GATD1: variants seen among roughly 807,000 people sequenced by gnomAD.
GATD1 encodes the protein glutamine amidotransferase-like class 1 domain-containing protein 1.
A neutral mutation model predicts 25.9 loss-of-function variants in GATD1; 23 were observed. The ratio of observed to expected loss-of-function variants is 0.89; its 90% CI spans 0.64 to 1.26. The LOEUF (loss-of-function observed/expected upper bound fraction) is 1.26. Among genes scored for constraint, GATD1 ranks in the 50% most tolerant of loss-of-function variants. The pLI, the probability that GATD1 is intolerant of heterozygous loss-of-function variation, is 0.00. For synonymous variants in GATD1, 177 were observed against 134.6 expected (o/e 1.31, Z -2.18); for missense variants, 347 against 312.5 (o/e 1.11, Z -0.83).
Position 770,977 on chromosome 11 carries a change from A to C in GATD1, c.656+16T>G, listed in dbSNP as rs1590083076. On this transcript the variant is annotated intron_variant, in intron 7 of 7. Transcript: ENST00000319863. ...GCTCTGATGTGGCAGGAATGTGCCC[A>C]CCCTGGTGCCCTCACCGGCTGCCAC... 6.2e-7 allele frequency: 1 copy of C among 1,613,184 alleles called. No individual in the cohort carries two copies.
Position 767,698 on chromosome 11 carries a change from G to C in GATD1, c.*3199C>G, listed in dbSNP as rs1388547207. ...ATGGTATTAGGTGGGGCATTTGGGA[G>C]GTCATCCGGTCACAGGGCAGGGGCA... On this transcript the variant is annotated 3_prime_UTR_variant, in exon 8 of 8. Coordinates refer to ENST00000319863, the MANE Select transcript of GATD1 (RefSeq NM_182612.4). The C allele has an allele frequency of 2.0e-6, 2 of 1,014,146 alleles. No individual in the cohort carries two copies. Among genetic ancestry groups the C allele is most frequent in the Non-Finnish European group, 2.5e-6 (2 of 813,910 alleles). 62.8% of individuals were successfully genotyped at this position (1,014,146 alleles called of 1,614,324 possible). A position where few individuals can be genotyped will look rare whatever the true frequency, so the allele number is the denominator to read the frequency against.
In GATD1 at chr11:767,674, T is replaced by C. The variant is rs1363740613; in HGVS notation, c.*3223A>G. On this transcript the variant is annotated 3_prime_UTR_variant, in exon 8 of 8. Coordinates refer to ENST00000319863, the MANE Select transcript of GATD1 (RefSeq NM_182612.4). ...GCTTAAGTCCTCACCTGCAAGGGGATGGTATTAGGTGGGGCATTTGGGAGG... is the reference window on the plus strand; with the variant it reads ...GCTTAAGTCCTCACCTGCAAGGGGACGGTATTAGGTGGGGCATTTGGGAGG... 3 of 1,164,660 alleles carry C rather than the reference T, an allele frequency of 2.6e-6. No homozygotes were observed. Among genetic ancestry groups the C allele is most frequent in the Non-Finnish European group, 2.1e-6 (2 of 937,044 alleles). 72.1% of individuals were successfully genotyped at this position (1,164,660 alleles called of 1,614,324 possible). A position where few individuals can be genotyped will look rare whatever the true frequency, so the allele number is the denominator to read the frequency against.
At chr11:777,234 C>T (rs1864088875) in intron 1 of GATD1, 165 bp downstream of exon 1, 3 of 292,094 alleles carry the variant, frequency 1.0e-5, no homozygotes, top group Non-Finnish European at 1.8e-5. Flanking sequence ...GAGCTCCATC[C>T]CGACACCGAC....
chr11:769,969 G>A lies in GATD1; in HGVS notation c.*928C>T, dbSNP rs186748354. The stretch of plus-strand genomic sequence containing the variant: ...GCCTCCTGGCAGGTCACTGGCACCA[G>A]GAGCCACGCTGGTGCTTGGGAACGG... On this transcript the variant is annotated 3_prime_UTR_variant, in exon 8 of 8. Coordinates refer to ENST00000319863, the MANE Select transcript of GATD1 (RefSeq NM_182612.4). The A allele has an allele frequency of 5.7e-4, 580 of 1,020,008 alleles. 1 individual carries two copies. In the Middle Eastern group the frequency reaches 0.018, roughly 32 times the overall value. The allele number at this position is 1,020,008 out of a possible 1,614,324, so 63.2% of individuals were successfully genotyped here. A position where few individuals can be genotyped will look rare whatever the true frequency, so the allele number is the denominator to read the frequency against.
chr11:770,863 G>A lies in GATD1; in HGVS notation c.*34C>T, dbSNP rs373080616. The A allele has an allele frequency of 3.8e-6, 6 of 1,586,962 alleles. No homozygotes were observed. Among genetic ancestry groups the A allele is most frequent in the Non-Finnish European group, 4.3e-6 (5 of 1,164,302 alleles). ...GACGGGGCTGCCTCTGGAGACACCT[G>A]GGCTGTCTCAGGGGGTGCATCTACC... On this transcript the variant is annotated 3_prime_UTR_variant, in exon 8 of 8. Coordinates refer to ENST00000319863, the MANE Select transcript of GATD1 (RefSeq NM_182612.4).
Position 774,424 on chromosome 11 carries a change from C to T in GATD1, c.142-311G>A, listed in dbSNP as rs146340761. 2.6e-4 allele frequency among the ~76,000 whole-genome samples: 39 copies of T among 152,384 alleles called. No individual in the cohort carries two copies. In the East Asian group the frequency reaches 4.2e-3, roughly 17 times the overall value. ...ATGTACATCTGATATCCCTGGGTCCCCCACGATCAGAGGGTGGAGAATTCC... is the reference window on the plus strand; with the variant it reads ...ATGTACATCTGATATCCCTGGGTCCTCCACGATCAGAGGGTGGAGAATTCC... On this transcript the variant is annotated intron_variant, in intron 2 of 7. Transcript: ENST00000319863.
chr11:773,700 T>C, intron 3 of GATD1, 71 bp from the exon 4 acceptor site: 1 of 1,204,338 alleles, frequency 8.3e-7, no homozygotes, highest in Non-Finnish European at 1.2e-6. Flanking sequence ...CAGGCCCGAG[T>C]GCGTGGCCAG....
At chr11:771,791 G>A (rs140177251) in intron 5 of GATD1, among the ~76,000 whole-genome samples, 222 of 152,254 alleles carry the variant, frequency 1.5e-3, no homozygotes, top group African/African-American at 5.2e-3. Flanking sequence ...AAGGGGTCAC[G>A]CCCACTTGTA....
At position 768,832 on chromosome 11, in the gene GATD1, G is replaced by A. The variant is rs890837492; in HGVS notation, c.*2065C>T. 2 of 152,204 alleles carry A rather than the reference G, an allele frequency of 1.3e-5. No individual in the cohort carries two copies. Among genetic ancestry groups the A allele is most frequent in the Non-Finnish European group, 2.9e-5 (2 of 68,058 alleles). The allele number at this position is 152,204 out of a possible 1,614,324, so 9.4% of individuals were successfully genotyped here. On this transcript the variant is annotated 3_prime_UTR_variant, in exon 8 of 8. Coordinates refer to ENST00000319863, the MANE Select transcript of GATD1 (RefSeq NM_182612.4). ...AAACAAAAATTACGCCGGGCGCAGT[G>A]GCTCACGCCTGTAATCCTAACACTT...
In GATD1 at chr11:770,043, A is replaced by C; in HGVS notation, c.*854T>G. 1 of 1,138,102 alleles carries C rather than the reference A, an allele frequency of 8.8e-7. No individual in the cohort carries two copies. The highest frequency in any genetic ancestry group is 1.1e-6 in the Non-Finnish European group (1 of 928,842). 70.5% of individuals were successfully genotyped at this position (1,138,102 alleles called of 1,614,324 possible). On this transcript the variant is annotated 3_prime_UTR_variant, in exon 8 of 8. Coordinates refer to ENST00000319863, the MANE Select transcript of GATD1 (RefSeq NM_182612.4). ...GCAGGAAGAAGGCCTTCGATGGCTCAAACTGGGGAACTGTGAGGAAGTAGA... is the reference window on the plus strand; with the variant it reads ...GCAGGAAGAAGGCCTTCGATGGCTCCAACTGGGGAACTGTGAGGAAGTAGA...
In GATD1 at chr11:772,400, A is replaced by G. The variant is rs779735805; in HGVS notation, c.450+27T>C. ...TGGGGGAGGACAGAGCAGGGAGCAC[A>G]GCGTGCCTCGGCCTCCAGACACTCA... On this transcript the variant is annotated intron_variant, in intron 5 of 7. Coordinates refer to ENST00000319863, the MANE Select transcript of GATD1 (RefSeq NM_182612.4). The G allele has an allele frequency of 7.6e-6, 12 of 1,578,660 alleles. No individual in the cohort carries two copies. The East Asian group carries it at 1.8e-4, about 24-fold the overall frequency.
In GATD1 at chr11:770,875, G is replaced by C; in HGVS notation, c.*22C>G. On this transcript the variant is annotated 3_prime_UTR_variant, in exon 8 of 8. Coordinates refer to ENST00000319863, the MANE Select transcript of GATD1 (RefSeq NM_182612.4). ...TCTGGAGACACCTGGGCTGTCTCAG[G>C]GGGTGCATCTACCCAGCAGGTTCAT... is the stretch of plus-strand genomic sequence containing the variant. 1 of 1,597,512 alleles carries C rather than the reference G, an allele frequency of 6.3e-7. No homozygotes were observed.
intron 1 of GATD1, 198 bp downstream of exon 1, chr11:777,201 A>AC: frequency 7.1e-5 from 1 of 14,054 alleles, no homozygotes. Flanking sequence ...CCGCGACCCC[A>AC]CCCCCGCCCC....
At position 767,313 on chromosome 11, in the gene GATD1, T is replaced by C. The variant is rs954123225; in HGVS notation, c.*3584A>G. The C allele has an allele frequency of 5.2e-6, 8 of 1,536,124 alleles. No individual in the cohort carries two copies. The African/African-American group carries it at 5.5e-5, about 11-fold the overall frequency. On this transcript the variant is annotated 3_prime_UTR_variant, in exon 8 of 8. Coordinates refer to ENST00000319863, the MANE Select transcript of GATD1 (RefSeq NM_182612.4). ...CCTCACCCGCCCTCCGCTGCTCTTC[T>C]GGAGGTCTGTCCTCTTGCTTTCCTC... is the stretch of plus-strand genomic sequence containing the variant.
chr11:770,574 C>T lies in GATD1; in HGVS notation c.*323G>A, dbSNP rs1863338002. Reference sequence around the variant, plus strand: ...CTCTGTCTAGTCAACAGTGACCACACGTGACAACCAGTCCTCCCTAGAAAA... The same window carrying T: ...CTCTGTCTAGTCAACAGTGACCACATGTGACAACCAGTCCTCCCTAGAAAA... On this transcript the variant is annotated 3_prime_UTR_variant, in exon 8 of 8. Transcript: ENST00000319863. The T allele has an allele frequency of 7.8e-6, 11 of 1,413,664 alleles. No homozygotes were observed. Among genetic ancestry groups the T allele is most frequent in the East Asian group, 5.0e-5 (2 of 39,682 alleles). 87.6% of individuals were successfully genotyped at this position (1,413,664 alleles called of 1,614,324 possible).
chr11:772,318 C>T (rs1413094519), intron 5 of GATD1, 109 bp downstream of exon 5: 4 of 747,742 alleles, frequency 5.3e-6, no homozygotes, highest in East Asian at 2.7e-5. Context: ...GGGAGCACAG[C>T]GTGCCTCGGC....
chr11:770,503 G>A lies in GATD1; in HGVS notation c.*394C>T. ...ACAGTGAAAGAGGTGGTGGGTGGCA[G>A]ACAGGCCACAGCAGGGCAAACCCAC... is the stretch of plus-strand genomic sequence containing the variant. On this transcript the variant is annotated 3_prime_UTR_variant, in exon 8 of 8. Coordinates refer to ENST00000319863, the MANE Select transcript of GATD1 (RefSeq NM_182612.4). 2 of 1,437,466 alleles carry A rather than the reference G, an allele frequency of 1.4e-6. No individual in the cohort carries two copies. Among genetic ancestry groups the A allele is most frequent in the East Asian group, 5.0e-5 (2 of 39,916 alleles). 89.0% of individuals were successfully genotyped at this position (1,437,466 alleles called of 1,614,324 possible). A position where few individuals can be genotyped will look rare whatever the true frequency, so the allele number is the denominator to read the frequency against.
intron 1 of GATD1, among the ~76,000 whole-genome samples, chr11:775,636 T>C (rs947549078): frequency 2.0e-5 from 3 of 152,128 alleles, no homozygotes; most frequent in African/African-American, 4.8e-5. Context: ...TCAGGCACCA[T>C]GGAGAACGCA....
Position 767,461 on chromosome 11 carries a change from G to T in GATD1, c.*3436C>A, listed in dbSNP as rs1863117901. The T allele has an allele frequency of 6.9e-7, 1 of 1,459,026 alleles. No individual in the cohort carries two copies. Among genetic ancestry groups the T allele is most frequent in the South Asian group, 1.4e-5 (1 of 71,250 alleles). 90.4% of individuals were successfully genotyped at this position (1,459,026 alleles called of 1,614,324 possible). On this transcript the variant is annotated 3_prime_UTR_variant, in exon 8 of 8. Transcript: ENST00000319863. ...TGAGGAATGACGCAGGGGCCTGCAG[G>T]CAGCTCACGCGGAGACAGGTCTGTG...
Sources: gnomAD v4.1 joint callset for allele counts (sites outside exome capture counted in the v4.1 genomes callset) on GRCh38, gnomAD v4.1.1 for gene constraint, MANE v1.5 for transcripts, NCBI Gene and HGNC (gene_info 2026-07-23, HGNC 2026-07-21) for gene names.